HDAC9: variants seen among roughly 807,000 people sequenced by gnomAD.
HDAC9 encodes the protein MEF-2 interacting transcription repressor (MITR) protein.
In HDAC9, 41 loss-of-function variants were observed where a neutral mutation model predicts 139.4. The ratio of observed to expected loss-of-function variants is 0.29; its 90% CI spans 0.23 to 0.38. The LOEUF (loss-of-function observed/expected upper bound fraction) is 0.38. Among genes scored for constraint, HDAC9 ranks in the 10% least tolerant of loss-of-function variants. The pLI is 1.00. For missense variants in HDAC9, 1,147 were observed against 1,297.0 expected (o/e 0.88, Z 1.78); for synonymous variants, 517 against 476.2 (o/e 1.09, Z -1.12).
chr7:18,924,669 A>C (rs1294687147), intron 22 of HDAC9, among the ~76,000 whole-genome samples: 1 of 152,150 alleles, frequency 6.6e-6, no homozygotes, highest in East Asian at 1.9e-4. Flanking sequence ...CACTTTAAAG[A>C]TGAATGATCA....
At chr7:18,806,974 A>G (rs1301962732) in intron 17 of HDAC9, among the ~76,000 whole-genome samples, 4 of 152,188 alleles carry the variant, frequency 2.6e-5, no homozygotes, top group Non-Finnish European at 5.9e-5. Context: ...CCCTCATAAA[A>G]TTAGTTAGAA....
chr7:18,640,143 A>G lies in HDAC9; in HGVS notation c.913-4528A>G, dbSNP rs1221205115. Among the ~76,000 whole-genome samples, 3 of 151,786 alleles carry G rather than the reference A, an allele frequency of 2.0e-5. No individual in the cohort carries two copies. In the South Asian group the frequency reaches 6.2e-4, roughly 32 times the overall value. On this transcript the variant is annotated intron_variant, in intron 8 of 25. Transcript: ENST00000686413. The stretch of plus-strand genomic sequence containing the variant: ...CCAGGCATGGGGGCTCACATCTATA[A>G]TCTCAGCAATTCGGGAGGCTGAGGT...
At chr7:18,262,471 A>G (rs1041274168) in intron 2 of HDAC9, among the ~76,000 whole-genome samples, 1 of 152,230 alleles carries the variant, frequency 6.6e-6, no homozygotes, top group Non-Finnish European at 1.5e-5. Flanking sequence ...GACCTGTTCT[A>G]CAAGAAATAC....
intron 11 of HDAC9, among the ~76,000 whole-genome samples, chr7:18,660,718 G>T (rs1032103698): frequency 3.3e-5 from 5 of 152,130 alleles, no homozygotes; most frequent in African/African-American, 1.2e-4. Flanking sequence ...GGCATGTAAA[G>T]ATTTGAGGGA....
At chr7:18,553,158 A>G (rs1817684558) in intron 2 of HDAC9, among the ~76,000 whole-genome samples, 1 of 152,142 alleles carries the variant, frequency 6.6e-6, no homozygotes, top group Admixed American at 6.5e-5. Context: ...GGCCCAAGTC[A>G]GCAGGAAGGC....
intron 14 of HDAC9, among the ~76,000 whole-genome samples, chr7:18,760,760 AT>A (rs1309990781): frequency 1.3e-5 from 2 of 152,158 alleles, no homozygotes; most frequent in African/African-American, 4.8e-5. Flanking sequence ...CTGTGACCTG[AT>A]CATTTATTTT....
chr7:18,658,620 T>A (rs1410832940), intron 11 of HDAC9, among the ~76,000 whole-genome samples: 2 of 152,072 alleles, frequency 1.3e-5, no homozygotes, highest in East Asian at 3.9e-4. Flanking sequence ...TTATTTAATT[T>A]TGGTTCATCT....
At chr7:18,940,644 A>G (rs2853552) in intron 23 of HDAC9, among the ~76,000 whole-genome samples, 112,476 of 152,030 alleles carry the variant, frequency 0.74, 41,682 homozygotes, top group South Asian at 0.82. Flanking sequence ...TTTAGAATTC[A>G]TAATAGAAAC....
intron 23 of HDAC9, among the ~76,000 whole-genome samples, chr7:18,951,024 CT>C (rs1782756087): frequency 6.6e-6 from 1 of 151,884 alleles, no homozygotes; most frequent in African/African-American, 2.4e-5. Context: ...AATCAGTGAG[CT>C]GTTTTTCATA....
chr7:18,912,967 G>C (rs1802869200), intron 22 of HDAC9, among the ~76,000 whole-genome samples: 1 of 152,030 alleles, frequency 6.6e-6, no homozygotes, highest in Non-Finnish European at 1.5e-5. Context: ...AAATAATACT[G>C]ATCTTAACTA....
intron 17 of HDAC9, among the ~76,000 whole-genome samples, chr7:18,802,105 CTTAAA>C (rs1236189436): frequency 6.6e-6 from 1 of 151,324 alleles, no homozygotes; most frequent in Admixed American, 6.6e-5. Flanking sequence ...TTAATAATTT[CTTAAA>C]TTATTTAGCT....
chr7:18,574,643 C>T (rs1423141024), intron 2 of HDAC9, among the ~76,000 whole-genome samples: 1 of 152,206 alleles, frequency 6.6e-6, no homozygotes, highest in Non-Finnish European at 1.5e-5. Context: ...CCTGCAGGCC[C>T]CTGTTGAGCT....
At chr7:18,691,827 A>G (rs138542600) in intron 12 of HDAC9, among the ~76,000 whole-genome samples, 2 of 152,184 alleles carry the variant, frequency 1.3e-5, no homozygotes, top group African/African-American at 2.4e-5. Context: ...AAGATTGCCA[A>G]TGTGGGGTAG....
intron 1 of HDAC9, among the ~76,000 whole-genome samples, chr7:18,315,937 G>A (rs1234459301): frequency 1.3e-5 from 2 of 152,252 alleles, no homozygotes; most frequent in South Asian, 2.1e-4. Context: ...ATGTGACTTC[G>A]GAAAGTTACT....
At chr7:18,936,001 A>AT in intron 23 of HDAC9, 59 bp downstream of exon 23, 1 of 1,514,364 alleles carries the variant, frequency 6.6e-7, no homozygotes, top group Non-Finnish European at 8.9e-7. Context: ...ATGCATGCAT[A>AT]TTTTTAAACT....
chr7:18,352,788 CT>C (rs1782952065), intron 1 of HDAC9, among the ~76,000 whole-genome samples: 1 of 151,950 alleles, frequency 6.6e-6, no homozygotes, highest in Admixed American at 6.6e-5. Context: ...CTTTTCCCCA[CT>C]TTGGTTCAGA....
intron 1 of HDAC9, among the ~76,000 whole-genome samples, chr7:18,377,451 C>T (rs1480263091): frequency 6.6e-6 from 1 of 152,100 alleles, no homozygotes; most frequent in Non-Finnish European, 1.5e-5. Flanking sequence ...TATTTATTAA[C>T]CATATTAACT....
intron 1 of HDAC9, among the ~76,000 whole-genome samples, chr7:18,125,603 G>A (rs549688697): frequency 1.3e-5 from 2 of 152,066 alleles, no homozygotes; most frequent in South Asian, 4.2e-4. Flanking sequence ...ATTACAGTCT[G>A]TGTTATCTAC....
intron 2 of HDAC9, among the ~76,000 whole-genome samples, chr7:18,273,562 A>G (rs1339021106): frequency 1.3e-5 from 2 of 152,204 alleles, no homozygotes; most frequent in African/African-American, 4.8e-5. Flanking sequence ...ACCTCATGAA[A>G]GCACAAAAGC....
Sources: allele counts gnomAD v4.1 joint callset (sites outside exome capture counted in the v4.1 genomes callset), GRCh38; gene constraint gnomAD v4.1.1; transcripts MANE v1.5; gene names NCBI Gene and HGNC (gene_info 2026-07-23, HGNC 2026-07-21).